SLC24A2: variants seen among roughly 807,000 people sequenced by gnomAD.
SLC24A2 encodes the protein sodium/potassium/calcium exchanger 2.
Under a neutral mutation model 62.0 loss-of-function variants are expected in SLC24A2, and 36 were observed. The ratio of observed to expected loss-of-function variants is 0.58; its 90% CI spans 0.44 to 0.77. The LOEUF (loss-of-function observed/expected upper bound fraction) is 0.77. Among genes scored for constraint, SLC24A2 ranks in the 30% least tolerant of loss-of-function variants. The pLI, the probability that SLC24A2 is intolerant of heterozygous loss-of-function variation, is 0.00. For missense variants in SLC24A2, 846 were observed against 817.9 expected, an observed-to-expected ratio of 1.03 and a Z score of -0.42; for synonymous variants, 358 against 294.0, an observed-to-expected ratio of 1.22 and a Z score of -2.23.
chr9:19,571,749 G>T (rs527607374), intron 7 of SLC24A2, among the ~76,000 whole-genome samples: 35 of 152,304 alleles, frequency 2.3e-4, no homozygotes, highest in African/African-American at 7.7e-4. Context: ...CAAGTTTGGG[G>T]CTCCAGGTCT....
the SLC24A2 span, among the ~76,000 whole-genome samples, chr9:20,108,814 A>C: frequency 6.6e-6 from 1 of 152,188 alleles, no homozygotes; most frequent in African/African-American, 2.4e-5. Context: ...TAACCTGCAC[A>C]TTGTGCACAT....
At chr9:20,156,954 G>T in the SLC24A2 span, among the ~76,000 whole-genome samples, 1 of 151,752 alleles carries the variant, frequency 6.6e-6, no homozygotes, top group African/African-American at 2.4e-5. Flanking sequence ...TTCCAATTAA[G>T]AGTGGTTATC....
the SLC24A2 span, among the ~76,000 whole-genome samples, chr9:19,801,195 G>A: frequency 3.9e-5 from 6 of 152,364 alleles, no homozygotes; most frequent in East Asian, 1.2e-3. Context: ...GGGCCATGCG[G>A]TGAGTGTTTT....
the SLC24A2 span, among the ~76,000 whole-genome samples, chr9:20,255,473 G>C: frequency 6.6e-6 from 1 of 152,178 alleles, no homozygotes; most frequent in Non-Finnish European, 1.5e-5. Context: ...ACTCACACAG[G>C]ACATAGCTCA....
the SLC24A2 span, among the ~76,000 whole-genome samples, chr9:20,042,884 C>A: frequency 6.6e-6 from 1 of 152,118 alleles, no homozygotes; most frequent in African/African-American, 2.4e-5. Flanking sequence ...TGCTTTGAGG[C>A]ACCACAAGCC....
chr9:19,549,093 T>A (rs1405506110), intron 8 of SLC24A2, among the ~76,000 whole-genome samples: 1 of 152,210 alleles, frequency 6.6e-6, no homozygotes, highest in Non-Finnish European at 1.5e-5. Flanking sequence ...TGTAATTTGC[T>A]GATGTTGTTG....
the SLC24A2 span, among the ~76,000 whole-genome samples, chr9:20,230,494 C>T: frequency 1.3e-5 from 2 of 152,050 alleles, no homozygotes; most frequent in Non-Finnish European, 2.9e-5. Flanking sequence ...GTGATGATGA[C>T]CATTTTTTCA....
chr9:20,078,664 C>T, the SLC24A2 span, among the ~76,000 whole-genome samples: 1 of 152,174 alleles, frequency 6.6e-6, no homozygotes, highest in Non-Finnish European at 1.5e-5. Context: ...TCCTTCAGCT[C>T]TAAGCTGGGC....
chr9:19,551,897 A>C (rs761787931), intron 7 of SLC24A2, among the ~76,000 whole-genome samples: 1 of 152,226 alleles, frequency 6.6e-6, no homozygotes, highest in African/African-American at 2.4e-5. Flanking sequence ...TAATAATTTA[A>C]AAAAGGGATG....
intron 2 of SLC24A2, among the ~76,000 whole-genome samples, chr9:19,779,205 A>T (rs910943614): frequency 7.9e-5 from 12 of 152,236 alleles, no homozygotes; most frequent in African/African-American, 2.9e-4. Context: ...CTATAGGAAG[A>T]TTGGGGTAGA....
the SLC24A2 span, among the ~76,000 whole-genome samples, chr9:20,218,934 T>C: frequency 3.3e-5 from 5 of 152,270 alleles, no homozygotes; most frequent in South Asian, 2.1e-4. Flanking sequence ...CCAAGCAGAA[T>C]GATTTTGTGT....
At chr9:19,516,505 C>G in intron 10 of SLC24A2, 103 bp from the exon 11 acceptor site, 1 of 1,383,850 alleles carries the variant, frequency 7.2e-7, no homozygotes, top group Non-Finnish European at 1.0e-6. Flanking sequence ...CTCAGGAACT[C>G]TAAACTGAAA....
At chr9:20,016,638 C>G in the SLC24A2 span, among the ~76,000 whole-genome samples, 2 of 152,182 alleles carry the variant, frequency 1.3e-5, no homozygotes. Flanking sequence ...AATATTTTCT[C>G]TGAGCACTGA....
At chr9:20,103,039 G>A in the SLC24A2 span, among the ~76,000 whole-genome samples, 2 of 152,222 alleles carry the variant, frequency 1.3e-5, no homozygotes, top group African/African-American at 4.8e-5. Flanking sequence ...TGCACCAGGA[G>A]ATTATATCCC....
At chr9:20,182,003 T>C in the SLC24A2 span, among the ~76,000 whole-genome samples, 2 of 152,346 alleles carry the variant, frequency 1.3e-5, no homozygotes, top group East Asian at 3.9e-4. Context: ...AAGACATTTA[T>C]GTAGCCAACA....
the SLC24A2 span, among the ~76,000 whole-genome samples, chr9:19,874,502 T>C: frequency 8.5e-5 from 13 of 152,218 alleles, no homozygotes; most frequent in African/African-American, 2.7e-4. Context: ...AGGAGGTTGC[T>C]GTTGGCCTGT....
At position 19,548,685 on chromosome 9, in the gene SLC24A2, C is replaced by T. The variant is rs116044788; in HGVS notation, c.1479+1452G>A. ...CAGTTGGTTATGACGACTGCCCTGG[C>T]TGATGCACCTAACAAGAAAATGGAG... On this transcript the variant is annotated intron_variant, in intron 8 of 10. Coordinates refer to ENST00000341998, the MANE Select transcript of SLC24A2 (RefSeq NM_020344.4). Among the ~76,000 whole-genome samples the T allele has an allele frequency of 9.8e-3, 1,498 of 152,296 alleles. 26 individuals carry two copies. The highest frequency in any genetic ancestry group is 0.035 in the African/African-American group (1,440 of 41,562).
chr9:20,214,408 T>G, the SLC24A2 span, among the ~76,000 whole-genome samples: 21 of 152,104 alleles, frequency 1.4e-4, no homozygotes, highest in African/African-American at 4.6e-4. Context: ...GGTCAGTAGA[T>G]AAGACCATCC....
the SLC24A2 span, among the ~76,000 whole-genome samples, chr9:20,154,046 T>C: frequency 2.2e-4 from 33 of 151,850 alleles, no homozygotes; most frequent in African/African-American, 6.8e-4. Flanking sequence ...TATGGATATT[T>C]TGTTCCATTG....
Sources: allele counts gnomAD v4.1 joint callset (sites outside exome capture counted in the v4.1 genomes callset), GRCh38; gene constraint gnomAD v4.1.1; transcripts MANE v1.5; gene names NCBI Gene and HGNC (gene_info 2026-07-23, HGNC 2026-07-21).